SCAPER: variants seen among roughly 807,000 people sequenced by gnomAD.
The protein encoded by SCAPER is S-phase cyclin A associated protein in the ER.
A neutral mutation model predicts 182.2 loss-of-function variants in SCAPER; 98 were observed. The observed-to-expected ratio is 0.54, with a 90% CI of 0.46 to 0.64. SCAPER has a LOEUF of 0.64. Ranked by LOEUF, SCAPER falls within the 30% of genes least tolerant of loss-of-function variation. The pLI is 0.00. For missense variants in SCAPER, 1,432 were observed against 1,690.0 expected (o/e 0.85, Z 2.68); for synonymous variants, 605 against 564.6 (o/e 1.07, Z -1.01).
chr15:76,851,914 A>G (rs1375514448), intron 4 of SCAPER, among the ~76,000 whole-genome samples: 5 of 152,060 alleles, frequency 3.3e-5, no homozygotes, highest in Non-Finnish European at 7.4e-5. Context: ...AAAAAACAAG[A>G]CCCAATGGTA....
intron 1 of SCAPER, among the ~76,000 whole-genome samples, chr15:76,904,022 TA>T (rs2074938239): frequency 1.3e-5 from 2 of 152,222 alleles, no homozygotes; most frequent in South Asian, 4.1e-4. Flanking sequence ...TTTGATTGAT[TA>T]AAAATATTAA....
At chr15:76,745,402 T>C (rs188967266) in intron 15 of SCAPER, among the ~76,000 whole-genome samples, 14 of 152,256 alleles carry the variant, frequency 9.2e-5, no homozygotes, top group Admixed American at 7.2e-4. Flanking sequence ...TGAGCTGAGA[T>C]TGCACCACTG....
intron 22 of SCAPER, among the ~76,000 whole-genome samples, chr15:76,608,632 C>A (rs1034043084): frequency 6.6e-6 from 1 of 152,208 alleles, no homozygotes; most frequent in Non-Finnish European, 1.5e-5. Context: ...CCTACAGAGG[C>A]AGGCAGGCCT....
chr15:76,655,556 C>T (rs1265392007), intron 21 of SCAPER, among the ~76,000 whole-genome samples: 1 of 152,142 alleles, frequency 6.6e-6, no homozygotes, highest in Non-Finnish European at 1.5e-5. Flanking sequence ...CTGTGAGATA[C>T]TACACAAGAC....
At chr15:76,383,927 T>TA (rs1344495335) in intron 27 of SCAPER, among the ~76,000 whole-genome samples, 1 of 152,202 alleles carries the variant, frequency 6.6e-6, no homozygotes, top group African/African-American at 2.4e-5. Context: ...TAGTACTCAA[T>TA]AAAAACAAAA....
chr15:76,849,177 G>A (rs1232288006), intron 4 of SCAPER, among the ~76,000 whole-genome samples: 1 of 152,166 alleles, frequency 6.6e-6, no homozygotes. Context: ...CATGCCAGCA[G>A]TGCAGCCGCC....
At chr15:76,748,089 C>A (rs2061896251) in intron 15 of SCAPER, among the ~76,000 whole-genome samples, 1 of 151,020 alleles carries the variant, frequency 6.6e-6, no homozygotes, top group East Asian at 2.0e-4. Context: ...CTCCCGGGTT[C>A]AAGCCATTCT....
intron 21 of SCAPER, among the ~76,000 whole-genome samples, chr15:76,632,734 T>C (rs1244771473): frequency 6.6e-6 from 1 of 151,562 alleles, no homozygotes; most frequent in Non-Finnish European, 1.5e-5. Context: ...CTCATCTTCA[T>C]GGATTTATTT....
intron 23 of SCAPER, among the ~76,000 whole-genome samples, chr15:76,546,415 C>G (rs1468749337): frequency 7.2e-5 from 11 of 152,124 alleles, no homozygotes; most frequent in Admixed American, 7.2e-4. Context: ...GTCTCGAACT[C>G]CTAGGCTCAA....
chr15:76,839,088 A>G (rs1392686815), intron 5 of SCAPER, among the ~76,000 whole-genome samples: 2 of 152,244 alleles, frequency 1.3e-5, no homozygotes, highest in African/African-American at 4.8e-5. Flanking sequence ...AACAGGCACA[A>G]TCTTCAAACT....
chr15:76,443,045 CACT>C (rs1219363971), intron 25 of SCAPER, among the ~76,000 whole-genome samples: 1 of 152,096 alleles, frequency 6.6e-6, no homozygotes, highest in Non-Finnish European at 1.5e-5. Flanking sequence ...AAAACACCAC[CACT>C]GAGGGAATCA....
At chr15:76,373,465 T>A (rs1405186367) in intron 29 of SCAPER, among the ~76,000 whole-genome samples, 3 of 152,186 alleles carry the variant, frequency 2.0e-5, no homozygotes, top group Non-Finnish European at 4.4e-5. Context: ...ACGGATGATT[T>A]CCCTCAACTT....
intron 4 of SCAPER, among the ~76,000 whole-genome samples, chr15:76,855,185 C>A (rs971823310): frequency 6.6e-6 from 1 of 152,124 alleles, no homozygotes; most frequent in African/African-American, 2.4e-5. Context: ...AAAGGACTCT[C>A]TATTCAACAA....
chr15:76,701,238 A>C (rs1452610742), intron 20 of SCAPER, among the ~76,000 whole-genome samples: 3 of 152,230 alleles, frequency 2.0e-5, no homozygotes, highest in Non-Finnish European at 4.4e-5. Flanking sequence ...AAAATTTACT[A>C]TAATAAATAG....
At chr15:76,839,351 C>T (rs1211894125) in intron 5 of SCAPER, among the ~76,000 whole-genome samples, 2 of 152,018 alleles carry the variant, frequency 1.3e-5, no homozygotes, top group Non-Finnish European at 2.9e-5. Context: ...AATCCACGTA[C>T]AAAATGAGGA....
chr15:76,488,104 G>A (rs2051840709), intron 24 of SCAPER, among the ~76,000 whole-genome samples: 1 of 151,590 alleles, frequency 6.6e-6, no homozygotes, highest in Non-Finnish European at 1.5e-5. Flanking sequence ...CCAGACTAAG[G>A]GATTTTTTCT....
chr15:76,640,693 T>A (rs965556683), intron 21 of SCAPER, among the ~76,000 whole-genome samples: 3 of 152,212 alleles, frequency 2.0e-5, no homozygotes, highest in African/African-American at 7.2e-5. Flanking sequence ...TTATGGTTCA[T>A]TTAAATCAGA....
intron 23 of SCAPER, among the ~76,000 whole-genome samples, chr15:76,511,321 T>C (rs1023212357): frequency 6.6e-6 from 1 of 152,224 alleles, no homozygotes; most frequent in African/African-American, 2.4e-5. Flanking sequence ...CTCTGTCAAC[T>C]TGCAAAATTT....
intron 17 of SCAPER, among the ~76,000 whole-genome samples, chr15:76,712,266 A>C (rs190437050): frequency 0.02 from 2,996 of 152,086 alleles, 94 homozygotes; most frequent in African/African-American, 0.067. Flanking sequence ...GGCGTTATTT[A>C]TGAGGGCTCT....
Sources: allele counts gnomAD v4.1 joint callset (sites outside exome capture counted in the v4.1 genomes callset), GRCh38; gene constraint gnomAD v4.1.1; transcripts MANE v1.5; gene names NCBI Gene and HGNC (gene_info 2026-07-23, HGNC 2026-07-21).